The following PHACTR3 variants were observed in gnomAD, a reference collection of about 807,000 sequenced individuals.
PHACTR3 encodes the protein phosphatase and actin regulator 3.
Under a neutral mutation model 66.8 loss-of-function variants are expected in PHACTR3, and 16 were observed. That is an observed-to-expected ratio of 0.24 (90% CI 0.16 to 0.36). PHACTR3 has a LOEUF of 0.36. Among genes scored for constraint, PHACTR3 ranks in the 10% least tolerant of loss-of-function variants. PHACTR3 has a pLI of 1.00. For synonymous variants in PHACTR3, 323 were observed against 292.1 expected (o/e 1.11, Z -1.08); for missense variants, 647 against 719.9 (o/e 0.90, Z 1.16).
At chr20:59,781,186 T>C (rs1284255273) in intron 7 of PHACTR3, among the ~76,000 whole-genome samples, 1 of 152,200 alleles carries the variant, frequency 6.6e-6, no homozygotes, top group Non-Finnish European at 1.5e-5. Context: ...TGCAGTTACA[T>C]GTGTTTGTGT....
At chr20:59,751,816 T>A (rs772336202) in intron 3 of PHACTR3, among the ~76,000 whole-genome samples, 1 of 152,042 alleles carries the variant, frequency 6.6e-6, no homozygotes, top group African/African-American at 2.4e-5. Context: ...CCCTCTGATC[T>A]CTTCAGTGCT....
At position 59,635,965 on chromosome 20, in the gene PHACTR3, C is replaced by T. The variant is rs75733903; in HGVS notation, c.118+30833C>T. Among the ~76,000 whole-genome samples the T allele has an allele frequency of 7.1e-4, 108 of 152,274 alleles. 1 individual carries two copies. The East Asian group carries it at 0.011, about 16-fold the overall frequency. ...GTTTTTCATGTTTGTCCAGAGTGGC[C>T]ACGAGGTCCTCCTAAGAGACTTTGA... On this transcript the variant is annotated intron_variant, in intron 1 of 12. Transcript: ENST00000371015.
At chr20:59,812,389 C>A (rs141793946) in intron 8 of PHACTR3, among the ~76,000 whole-genome samples, 2 of 152,210 alleles carry the variant, frequency 1.3e-5, no homozygotes, top group Non-Finnish European at 1.5e-5. Context: ...CTCCAGAACA[C>A]GCTGCACCCT....
intron 1 of PHACTR3, among the ~76,000 whole-genome samples, chr20:59,723,060 CTCT>C (rs1466366874): frequency 8.4e-6 from 1 of 118,664 alleles, no homozygotes; most frequent in African/African-American, 3.3e-5. Flanking sequence ...TTCTTTCTTT[CTCT>C]TTCTTTCTTT....
chr20:59,688,831 G>A (rs1048626489), intron 1 of PHACTR3, among the ~76,000 whole-genome samples: 1 of 152,136 alleles, frequency 6.6e-6, no homozygotes, highest in Non-Finnish European at 1.5e-5. Context: ...TCCATTGTTA[G>A]AGTTATTTTA....
chr20:59,714,630 G>T (rs1257849273), intron 1 of PHACTR3, among the ~76,000 whole-genome samples: 1 of 151,774 alleles, frequency 6.6e-6, no homozygotes, highest in African/African-American at 2.4e-5. Context: ...CTACCACTTT[G>T]TTTTTTTTCT....
At chr20:59,790,535 G>A (rs2041058895) in intron 7 of PHACTR3, among the ~76,000 whole-genome samples, 1 of 152,218 alleles carries the variant, frequency 6.6e-6, no homozygotes. Context: ...TAACCTAAGT[G>A]TCCATTCATG....
At chr20:59,831,171 C>T (rs1013631139) in intron 8 of PHACTR3, among the ~76,000 whole-genome samples, 13 of 152,152 alleles carry the variant, frequency 8.5e-5, no homozygotes, top group Non-Finnish European at 1.6e-4. Flanking sequence ...GCTGGTGCCC[C>T]CTTGGCCCCC....
intron 1 of PHACTR3, among the ~76,000 whole-genome samples, chr20:59,631,946 C>T (rs1022944556): frequency 2.0e-5 from 3 of 152,160 alleles, no homozygotes; most frequent in African/African-American, 7.2e-5. Context: ...CCTGTGGTAG[C>T]CTCTGTCCTT....
At chr20:59,749,533 C>A (rs898641347) in intron 3 of PHACTR3, among the ~76,000 whole-genome samples, 5 of 152,170 alleles carry the variant, frequency 3.3e-5, no homozygotes, top group Non-Finnish European at 1.5e-5. Flanking sequence ...GCCGTGGGAG[C>A]CTGGTCTCTG....
At chr20:59,635,433 CATGT>C (rs2034864978) in intron 1 of PHACTR3, among the ~76,000 whole-genome samples, 1 of 151,410 alleles carries the variant, frequency 6.6e-6, no homozygotes, top group Non-Finnish European at 1.5e-5. Context: ...GGGGTTTCAC[CATGT>C]TAGTCAGGCT....
At position 59,751,172 on chromosome 20, in the gene PHACTR3, G is replaced by A. The variant is rs372439837; in HGVS notation, c.358+3337G>A. On this transcript the variant is annotated intron_variant, in intron 3 of 12. Coordinates refer to ENST00000371015, the MANE Select transcript of PHACTR3 (RefSeq NM_080672.5). ...ACTCTCCAGGGTGAGGAGCAGAGGC[G>A]CTTTCCTGGCTTTGGGGTTAAGGAA... Among the ~76,000 whole-genome samples, 10 of 152,188 alleles carry A rather than the reference G, an allele frequency of 6.6e-5. 1 individual carries two copies. The South Asian group carries it at 8.3e-4, about 13-fold the overall frequency.
intron 1 of PHACTR3, among the ~76,000 whole-genome samples, chr20:59,632,192 C>T (rs952549400): frequency 2.6e-5 from 4 of 152,170 alleles, no homozygotes; most frequent in Non-Finnish European, 5.9e-5. Flanking sequence ...GAGATGCTCA[C>T]ATCCTGGGAT....
intron 8 of PHACTR3, among the ~76,000 whole-genome samples, chr20:59,815,416 T>TG (rs2041857578): frequency 6.9e-6 from 1 of 144,298 alleles, no homozygotes; most frequent in African/African-American, 2.6e-5. Context: ...CTTGGGGTTC[T>TG]GGTTTTTTTT....
In PHACTR3 at chr20:59,731,839, T is replaced by A. The variant is rs868525273; in HGVS notation, c.119-11268T>A. On this transcript the variant is annotated intron_variant, in intron 1 of 12. Coordinates refer to ENST00000371015, the MANE Select transcript of PHACTR3 (RefSeq NM_080672.5). ...TTTTGAGGCCCAACTTCTGCCTAGA[T>A]CTTAGAGAATCTTGTTATCTTTGGA... Among the ~76,000 whole-genome samples the A allele has an allele frequency of 2.6e-5, 4 of 152,164 alleles. No homozygotes were observed. The South Asian group carries it at 6.2e-4, about 24-fold the overall frequency.
Position 59,703,700 on chromosome 20 carries a change from TGTGA to T in PHACTR3, c.119-39403_119-39400del, listed in dbSNP as rs1318249207. On this transcript the variant is annotated intron_variant, in intron 1 of 12. Transcript: ENST00000371015. The stretch of plus-strand genomic sequence containing the variant: ...GGTGTATTTCCTTGGGGTGTGTGTG[TGTGA>T]GTGTGTGTGTGTGTAATTTCATCAG... Among the ~76,000 whole-genome samples, 18 of 147,246 alleles carry T rather than the reference TGTGA, an allele frequency of 1.2e-4. No individual in the cohort carries two copies. In the East Asian group the frequency reaches 3.5e-3, roughly 29 times the overall value.
intron 1 of PHACTR3, among the ~76,000 whole-genome samples, chr20:59,636,077 G>C (rs2034893102): frequency 6.6e-6 from 1 of 152,204 alleles, no homozygotes; most frequent in Admixed American, 6.5e-5. Context: ...TCTTCCTTGT[G>C]CCAATCTGCT....
chr20:59,714,913 G>A (rs2426821), intron 1 of PHACTR3, among the ~76,000 whole-genome samples: 59,270 of 152,010 alleles, frequency 0.39, 12,766 homozygotes, highest in Middle Eastern at 0.52. Context: ...TTATTCTGGA[G>A]TATTTTATGC....
rs144850840 is a variant in PHACTR3 at position 59,673,020 on chromosome 20, T to C, written c.118+67888T>C. Among the ~76,000 whole-genome samples, 129 of 152,296 alleles carry C rather than the reference T, an allele frequency of 8.5e-4. 3 individuals are homozygous for C. In the East Asian group the frequency reaches 0.025, roughly 29 times the overall value. On this transcript the variant is annotated intron_variant, in intron 1 of 12. Transcript: ENST00000371015. ...GAGTTGCCTGCAGGTTGGATGTGTC[T>C]GTTACGGTGAGCTGCAAGCAATCTG...
Sources: allele counts gnomAD v4.1 joint callset (sites outside exome capture counted in the v4.1 genomes callset), GRCh38; gene constraint gnomAD v4.1.1; transcripts MANE v1.5; gene names NCBI Gene and HGNC (gene_info 2026-07-23, HGNC 2026-07-21).